Variants in SLC2A5 observed in about 807,000 individuals in gnomAD.
The protein encoded by SLC2A5 is solute carrier family 2 member 5, also known as solute carrier family 2, facilitated glucose transporter member 5.
A neutral mutation model predicts 50.3 loss-of-function variants in SLC2A5; 56 were observed. The observed-to-expected ratio is 1.11, with a 90% CI of 0.90 to 1.39. The LOEUF (loss-of-function observed/expected upper bound fraction) is 1.39. Among genes scored for constraint, SLC2A5 ranks in the 40% most tolerant of loss-of-function variants. SLC2A5 has a pLI of 0.00. For missense variants in SLC2A5, 566 were observed against 650.1 expected (o/e 0.87, Z 1.41); for synonymous variants, 269 against 281.9 (o/e 0.95, Z 0.46).
At chr1:9,049,285 A>G in intron 3 of SLC2A5, 2 of 437,714 alleles carry the variant, frequency 4.6e-6, no homozygotes, top group South Asian at 3.1e-5. Context: ...AGACAACAGA[A>G]TCAGACTGGA....
chr1:9,054,915 C>A (rs1160227394), intron 3 of SLC2A5, among the ~76,000 whole-genome samples: 1 of 152,084 alleles, frequency 6.6e-6, no homozygotes, highest in Non-Finnish European at 1.5e-5. Flanking sequence ...CAGAGTGAGA[C>A]CCTGTCTCAC....
chr1:9,070,072 GTTTTTTTTTTTTTT>G (rs56828280), upstream of SLC2A5, among the ~76,000 whole-genome samples: 5 of 62,514 alleles, frequency 8.0e-5, no homozygotes, highest in South Asian at 2.0e-3. Context: ...CTCATTTTCT[GTTTTTTTTTTTTTT>G]TTTTTTTTTT....
upstream of SLC2A5, among the ~76,000 whole-genome samples, chr1:9,070,242 G>A (rs988014567): frequency 1.3e-5 from 2 of 151,670 alleles, no homozygotes; most frequent in African/African-American, 2.4e-5. Context: ...TACCACGCTC[G>A]GCTAATTTTT....
intron 3 of SLC2A5, among the ~76,000 whole-genome samples, chr1:9,051,010 C>T (rs1641559583): frequency 6.6e-6 from 1 of 152,084 alleles, no homozygotes; most frequent in Non-Finnish European, 1.5e-5. Flanking sequence ...TGAAGTTGCT[C>T]ACGTGAAAGG....
intron 2 of SLC2A5, among the ~76,000 whole-genome samples, chr1:9,081,279 A>C (rs1486080411): frequency 1.4e-4 from 13 of 93,326 alleles, no homozygotes; most frequent in East Asian, 9.0e-4. Flanking sequence ...AAAAAAAAAA[A>C]CCCCAAAAAA....
rs201842851 is a variant in SLC2A5, at chr1:9,077,950, T to TA, written c.-59+7063dup. 3.1e-3 allele frequency among the ~76,000 whole-genome samples: 463 copies of TA among 151,214 alleles called. 4 individuals carry two copies. Among genetic ancestry groups the TA allele is most frequent in the African/African-American group, 0.011 (434 of 41,190 alleles). ...CAAGTTTATTAAGAAAGTAAAGAAA[T>TA]AAAAAAAAGGCTACTCCACAGGCAG... On this transcript the variant is annotated intron_variant, in intron 2 of 5. Transcript: ENST00000464985.
At chr1:9,055,370 A>C (rs1641722993) in intron 3 of SLC2A5, among the ~76,000 whole-genome samples, 1 of 151,904 alleles carries the variant, frequency 6.6e-6, no homozygotes, top group Admixed American at 6.6e-5. Flanking sequence ...ACAAAAAATT[A>C]GCTGGGTGTG....
At chr1:9,077,201 A>T (rs1440357592) in intron 2 of SLC2A5, among the ~76,000 whole-genome samples, 4 of 150,686 alleles carry the variant, frequency 2.7e-5, no homozygotes, top group Non-Finnish European at 4.4e-5. Context: ...GGAGTTCAAG[A>T]CTAGTCTGGC....
chr1:9,063,315 T>C lies in SLC2A5; in HGVS notation c.34-5065A>G, dbSNP rs111773333. ...ATCCTCCTGCCTCAGCCTCCCAAAG[T>C]GCTGGTATTACAGGTGTGAGCTGCC... On this transcript the variant is annotated intron_variant, in intron 1 of 11. Coordinates refer to ENST00000377424, the MANE Select transcript of SLC2A5 (RefSeq NM_003039.3). 6.9e-3 allele frequency among the ~76,000 whole-genome samples: 1,047 copies of C among 151,968 alleles called. 11 individuals carry two copies. The highest frequency in any genetic ancestry group is 0.024 in the African/African-American group (1,004 of 41,450).
intron 3 of SLC2A5, 79 bp from the exon 4 acceptor site, chr1:9,047,813 C>G: frequency 6.8e-7 from 1 of 1,464,660 alleles, no homozygotes; most frequent in South Asian, 1.2e-5. Flanking sequence ...AGTGTCTCCT[C>G]TGCATAGGCT....
rs371903323 is a variant in SLC2A5, at chr1:9,038,068, C to T, written c.1175-44G>A. ...AGCCTCCCTGAAGGCAGAGCGGGCC[C>T]GAGCATCCCAGGCCTGGCCATGCAG... On this transcript the variant is annotated intron_variant, in intron 10 of 11. Coordinates refer to ENST00000377424, the MANE Select transcript of SLC2A5 (RefSeq NM_003039.3). The T allele has an allele frequency of 1.4e-5, 22 of 1,605,896 alleles. 1 individual carries two copies. The highest frequency in any genetic ancestry group is 6.7e-5 in the East Asian group (3 of 44,712).
intron 1 of SLC2A5, among the ~76,000 whole-genome samples, chr1:9,086,362 A>C (rs1642401505): frequency 1.3e-5 from 2 of 150,464 alleles, no homozygotes; most frequent in South Asian, 4.2e-4. Flanking sequence ...GAAAGCTCAG[A>C]GGCTGGGATT....
At position 9,069,555 on chromosome 1, in the gene SLC2A5, G is replaced by C. The variant is rs991941469; in HGVS notation, c.-19C>G. The C allele has an allele frequency of 6.2e-7, 1 of 1,613,904 alleles. No individual in the cohort carries two copies. The highest frequency in any genetic ancestry group is 1.1e-5 in the South Asian group (1 of 91,060). Reference sequence around the variant, plus strand: ...GCTCCATGCTTGCTCTGGAAGGGCAGAGTGCCGCTCACCTCCTTTTAGCCA... The same window carrying C: ...GCTCCATGCTTGCTCTGGAAGGGCACAGTGCCGCTCACCTCCTTTTAGCCA... On this transcript the variant is annotated 5_prime_UTR_variant, in exon 1 of 12. Transcript: ENST00000377424.
At chr1:9,075,584 GT>G (rs1347185735) in intron 2 of SLC2A5, among the ~76,000 whole-genome samples, 1 of 152,118 alleles carries the variant, frequency 6.6e-6, no homozygotes, top group Non-Finnish European at 1.5e-5. Flanking sequence ...AAACTAAATG[GT>G]GGAGTTAGCA....
At chr1:9,064,319 G>A (rs553460437) in intron 1 of SLC2A5, among the ~76,000 whole-genome samples, 1 of 152,220 alleles carries the variant, frequency 6.6e-6, no homozygotes, top group East Asian at 1.9e-4. Context: ...GGAAAAGGGA[G>A]GGGCTGAAGA....
In SLC2A5 at chr1:9,037,261, C is replaced by G. The variant is rs529431920; in HGVS notation, c.*325G>C. ...TATAGTAACTGTTGTTGTTATGTTACCAGGAGCCACACAAAGGTTGACCCA... is the reference window on the plus strand; with the variant it reads ...TATAGTAACTGTTGTTGTTATGTTAGCAGGAGCCACACAAAGGTTGACCCA... On this transcript the variant is annotated 3_prime_UTR_variant, in exon 12 of 12. Transcript: ENST00000377424. 127 of 327,108 alleles carry G rather than the reference C, an allele frequency of 3.9e-4. 1 individual carries two copies. The highest frequency in any genetic ancestry group is 2.5e-3 in the African/African-American group (119 of 47,334). 20.3% of individuals were successfully genotyped at this position (327,108 alleles called of 1,614,324 possible). A position where few individuals can be genotyped will look rare whatever the true frequency, so the allele number is the denominator to read the frequency against.
chr1:9,083,819 C>A (rs888666183), intron 2 of SLC2A5, among the ~76,000 whole-genome samples: 9 of 148,112 alleles, frequency 6.1e-5, no homozygotes, highest in African/African-American at 2.0e-4. Context: ...GAGTGAAACT[C>A]CATATCAAAA....
At chr1:9,056,386 T>C (rs1331685557) in intron 3 of SLC2A5, among the ~76,000 whole-genome samples, 1 of 152,166 alleles carries the variant, frequency 6.6e-6, no homozygotes, top group East Asian at 1.9e-4. Context: ...AGTTTCACCA[T>C]GTTGGCCAGG....
At chr1:9,043,315 A>C (rs1641351928) in intron 4 of SLC2A5, among the ~76,000 whole-genome samples, 1 of 152,144 alleles carries the variant, frequency 6.6e-6, no homozygotes, top group African/African-American at 2.4e-5. Flanking sequence ...TGGCAATTCT[A>C]CCCACAGATG....
Sources: allele counts gnomAD v4.1 joint callset (sites outside exome capture counted in the v4.1 genomes callset), GRCh38; gene constraint gnomAD v4.1.1; transcripts MANE v1.5; gene names NCBI Gene and HGNC (gene_info 2026-07-23, HGNC 2026-07-21).